The following LRRTM4 variants were observed in gnomAD, a reference collection of about 807,000 sequenced individuals.
LRRTM4 encodes leucine-rich repeat transmembrane neuronal protein 4.
Under a neutral mutation model 47.6 loss-of-function variants are expected in LRRTM4, and 25 were observed. The ratio of observed to expected loss-of-function variants is 0.53; its 90% CI spans 0.38 to 0.73. The LOEUF is 0.73. Among genes scored for constraint, LRRTM4 ranks in the 30% least tolerant of loss-of-function variants. The pLI is 0.00. For synonymous variants in LRRTM4, 311 were observed against 269.5 expected (o/e 1.15, Z -1.51); for missense variants, 638 against 713.4 (o/e 0.89, Z 1.20).
At chr2:76,772,132 G>T (rs1237592568) in intron 3 of LRRTM4, among the ~76,000 whole-genome samples, 1 of 152,090 alleles carries the variant, frequency 6.6e-6, no homozygotes, top group Admixed American at 6.6e-5. Flanking sequence ...TAGATCATAA[G>T]AGTGGAGCTC....
At chr2:77,446,356 C>T (rs1676050056) in intron 3 of LRRTM4, among the ~76,000 whole-genome samples, 1 of 151,882 alleles carries the variant, frequency 6.6e-6, no homozygotes, top group South Asian at 2.1e-4. Flanking sequence ...ATAATGTTTC[C>T]ATAAATTGTC....
At chr2:77,025,567 A>G (rs1043981386) in intron 3 of LRRTM4, among the ~76,000 whole-genome samples, 8 of 152,126 alleles carry the variant, frequency 5.3e-5, no homozygotes, top group African/African-American at 1.9e-4. Context: ...TTCCCTTTCA[A>G]TAATCATCAT....
intron 3 of LRRTM4, among the ~76,000 whole-genome samples, chr2:76,914,822 C>G (rs1289843717): frequency 4.6e-5 from 7 of 152,168 alleles, no homozygotes; most frequent in Admixed American, 4.6e-4. Context: ...ATATTTACTT[C>G]TCTATTATAG....
At chr2:77,401,232 G>T (rs2103836514) in intron 3 of LRRTM4, among the ~76,000 whole-genome samples, 1 of 152,038 alleles carries the variant, frequency 6.6e-6, no homozygotes, top group South Asian at 2.1e-4. Context: ...AAGTGCTGGG[G>T]TAAGGCCCAG....
At chr2:77,396,307 C>T (rs986310952) in intron 3 of LRRTM4, among the ~76,000 whole-genome samples, 16 of 151,862 alleles carry the variant, frequency 1.1e-4, no homozygotes, top group African/African-American at 3.9e-4. Flanking sequence ...CCGCTGAACT[C>T]AACAGACATT....
At chr2:76,797,508 A>C (rs1370929598) in intron 3 of LRRTM4, among the ~76,000 whole-genome samples, 1 of 152,146 alleles carries the variant, frequency 6.6e-6, no homozygotes, top group East Asian at 1.9e-4. Flanking sequence ...CTGCTGCAAA[A>C]TCATGCCAAA....
chr2:76,970,347 C>T (rs1676174938), intron 3 of LRRTM4, among the ~76,000 whole-genome samples: 1 of 151,818 alleles, frequency 6.6e-6, no homozygotes, highest in Non-Finnish European at 1.5e-5. Flanking sequence ...TCTTTTCTTC[C>T]CCTGGCATCC....
chr2:77,350,362 A>G (rs1354831840), intron 3 of LRRTM4, among the ~76,000 whole-genome samples: 7 of 147,452 alleles, frequency 4.7e-5, no homozygotes, highest in South Asian at 2.1e-4. Context: ...AAAAAAAAAA[A>G]AGAAATTGGA....
intron 3 of LRRTM4, among the ~76,000 whole-genome samples, chr2:77,196,635 G>A (rs1009008610): frequency 6.6e-6 from 1 of 152,226 alleles, no homozygotes. Flanking sequence ...TCCCAGCTTA[G>A]TAGGCTGAGG....
At position 77,046,329 on chromosome 2, in the gene LRRTM4, T is replaced by C. The variant is rs13413540; in HGVS notation, c.1552-297413A>G. 3.2e-3 allele frequency among the ~76,000 whole-genome samples: 486 copies of C among 152,104 alleles called. 1 individual carries two copies. The highest frequency in any genetic ancestry group is 0.011 in the African/African-American group (467 of 41,522). On this transcript the variant is annotated intron_variant, in intron 3 of 3. Transcript: ENST00000409884. ...CTGTGAACTCCATCTCTGGGAACAA[T>C]TTTTAACACACGGCCAACCAAAGTG...
intron 3 of LRRTM4, among the ~76,000 whole-genome samples, chr2:77,371,788 T>C (rs1303068908): frequency 2.0e-5 from 3 of 151,696 alleles, no homozygotes; most frequent in African/African-American, 4.8e-5. Flanking sequence ...TGGCCCCACA[T>C]TCTCCCCAGC....
rs574094843 is a variant in LRRTM4, at chr2:76,931,692, T to C, written c.1552-182776A>G. On this transcript the variant is annotated intron_variant, in intron 3 of 3. Transcript: ENST00000409884. The stretch of plus-strand genomic sequence containing the variant: ...CCTTTACAGATGGATTATAAGGTCT[T>C]GATTTAAAGAAGAAAAGTATAAAAA... 3.9e-5 allele frequency among the ~76,000 whole-genome samples: 6 copies of C among 152,270 alleles called. No homozygotes were observed. In the South Asian group the frequency reaches 1.2e-3, roughly 32 times the overall value.
chr2:77,002,987 G>C (rs759819809), intron 3 of LRRTM4, among the ~76,000 whole-genome samples: 1 of 142,754 alleles, frequency 7.0e-6, no homozygotes, highest in South Asian at 2.1e-4. Context: ...GAACTTATTT[G>C]TCTTGTCAAC....
intron 3 of LRRTM4, among the ~76,000 whole-genome samples, chr2:77,026,001 G>T (rs568455053): frequency 6.6e-6 from 1 of 152,232 alleles, no homozygotes; most frequent in South Asian, 2.1e-4. Flanking sequence ...TCAAAATAAA[G>T]CATGTGCAAT....
In LRRTM4 at chr2:76,748,667, G is replaced by T; in HGVS notation, c.*28C>A. On this transcript the variant is annotated 3_prime_UTR_variant, in exon 4 of 4. Coordinates refer to ENST00000409884, the MANE Select transcript of LRRTM4 (RefSeq NM_001134745.3). ...GAAGGCCCTCCCTCCCCCCCATGGA[G>T]CTCCCCAGTGAGGAGTTGGCTTCAG... is the stretch of plus-strand genomic sequence containing the variant. The T allele has an allele frequency of 3.3e-6, 5 of 1,523,364 alleles. No individual in the cohort carries two copies. Among genetic ancestry groups the T allele is most frequent in the Non-Finnish European group, 4.5e-6 (5 of 1,104,522 alleles). 94.4% of individuals were successfully genotyped at this position (1,523,364 alleles called of 1,614,324 possible). A position where few individuals can be genotyped will look rare whatever the true frequency, so the allele number is the denominator to read the frequency against.
chr2:76,841,567 A>T (rs1002320636), intron 3 of LRRTM4, among the ~76,000 whole-genome samples: 2 of 151,918 alleles, frequency 1.3e-5, no homozygotes, highest in Admixed American at 1.3e-4. Flanking sequence ...TAAATCCTTA[A>T]ATTTAAATGC....
intron 3 of LRRTM4, among the ~76,000 whole-genome samples, chr2:77,224,362 G>T (rs141161363): frequency 0.032 from 4,862 of 152,232 alleles, 119 homozygotes; most frequent in African/African-American, 0.071. Flanking sequence ...TGACAAATGG[G>T]ATGTAATTAA....
At chr2:77,311,541 G>C (rs1323329151) in intron 3 of LRRTM4, among the ~76,000 whole-genome samples, 1 of 152,214 alleles carries the variant, frequency 6.6e-6, no homozygotes, top group East Asian at 1.9e-4. Context: ...ACTACTGCCT[G>C]TCTCCCTCAT....
intron 3 of LRRTM4, among the ~76,000 whole-genome samples, chr2:77,083,783 CTTTTTTTTTTTTTTTTTTTTTTTTTT>C (rs386390525): frequency 1.1e-4 from 6 of 52,406 alleles, no homozygotes; most frequent in South Asian, 6.8e-4. Context: ...ACTGGACACA[CTTTTTTTTTTTTTTTTTTTTTTTTTT>C]TTTTTTTTTT....
Sources: gnomAD v4.1 joint callset for allele counts (sites outside exome capture counted in the v4.1 genomes callset) on GRCh38, gnomAD v4.1.1 for gene constraint, MANE v1.5 for transcripts, NCBI Gene and HGNC (gene_info 2026-07-23, HGNC 2026-07-21) for gene names.